CCSER1: variants seen among roughly 807,000 people sequenced by gnomAD.
CCSER1 encodes the protein serine-rich coiled-coil domain-containing protein 1.
CCSER1 carries 41 observed loss-of-function variants against 82.0 expected under a neutral mutation model. The observed-to-expected ratio is 0.50, with a 90% CI of 0.39 to 0.65. The LOEUF is 0.65. CCSER1 is among the 30% of genes least tolerant of loss of function. CCSER1 has a pLI of 0.00. For missense variants in CCSER1, 1,119 were observed against 1,064.2 expected (o/e 1.05, Z -0.72); for synonymous variants, 414 against 383.9 (o/e 1.08, Z -0.92).
intron 5 of CCSER1, among the ~76,000 whole-genome samples, chr4:90,522,895 A>G (rs1773309186): frequency 1.3e-5 from 2 of 152,114 alleles, no homozygotes; most frequent in South Asian, 2.1e-4. Flanking sequence ...ATTTTCTTCT[A>G]TTGACTTAAA....
At chr4:90,795,514 A>C (rs75898162) in intron 7 of CCSER1, among the ~76,000 whole-genome samples, 1 of 152,182 alleles carries the variant, frequency 6.6e-6, no homozygotes, top group Admixed American at 6.5e-5. Context: ...TATCCTGGCC[A>C]GGACTTTCAA....
intron 8 of CCSER1, among the ~76,000 whole-genome samples, chr4:90,912,490 G>A (rs541881277): frequency 2.6e-5 from 4 of 152,198 alleles, no homozygotes; most frequent in African/African-American, 4.8e-5. Context: ...CCATCTATAC[G>A]TCACCATCAT....
At chr4:90,697,726 A>C (rs748596253) in intron 6 of CCSER1, among the ~76,000 whole-genome samples, 3 of 152,118 alleles carry the variant, frequency 2.0e-5, no homozygotes, top group Non-Finnish European at 4.4e-5. Flanking sequence ...CTTTTTAATA[A>C]AAGGCGTATG....
intron 8 of CCSER1, among the ~76,000 whole-genome samples, chr4:90,914,376 A>G (rs1726945294): frequency 6.6e-6 from 1 of 152,172 alleles, no homozygotes; most frequent in Non-Finnish European, 1.5e-5. Context: ...AAACTGAACA[A>G]CCTGCTCCTG....
intron 6 of CCSER1, among the ~76,000 whole-genome samples, chr4:90,646,917 C>G (rs888321889): frequency 6.6e-6 from 1 of 152,174 alleles, no homozygotes; most frequent in South Asian, 2.1e-4. Context: ...TTACACAGAA[C>G]GCAAAATTGC....
At chr4:90,933,698 T>C (rs868572397) in intron 9 of CCSER1, among the ~76,000 whole-genome samples, 1 of 151,952 alleles carries the variant, frequency 6.6e-6, no homozygotes, top group East Asian at 1.9e-4. Flanking sequence ...AGTTTTTTTT[T>C]TTCTCCACTT....
chr4:90,772,007 C>G (rs1213914123), intron 7 of CCSER1, among the ~76,000 whole-genome samples: 3 of 152,066 alleles, frequency 2.0e-5, no homozygotes, highest in Non-Finnish European at 4.4e-5. Context: ...AGAAATTATG[C>G]AATTCTCCTC....
chr4:91,029,137 CTG>C (rs1396340563), intron 9 of CCSER1, among the ~76,000 whole-genome samples: 9 of 151,960 alleles, frequency 5.9e-5, no homozygotes, highest in Non-Finnish European at 8.8e-5. Context: ...AATGAAATGA[CTG>C]TGAATCTGCT....
chr4:90,258,151 G>A (rs1455509524), intron 1 of CCSER1, among the ~76,000 whole-genome samples: 1 of 152,064 alleles, frequency 6.6e-6, no homozygotes, highest in Non-Finnish European at 1.5e-5. Context: ...GTTTTTATAG[G>A]CTGATGACTC....
intron 10 of CCSER1, among the ~76,000 whole-genome samples, chr4:91,370,311 G>A (rs1456213924): frequency 6.6e-6 from 1 of 152,010 alleles, no homozygotes. Context: ...ATGCTTTACT[G>A]GATTAATATT....
chr4:91,364,332 A>G (rs936993810), intron 10 of CCSER1, among the ~76,000 whole-genome samples: 3 of 152,120 alleles, frequency 2.0e-5, no homozygotes, highest in Non-Finnish European at 2.9e-5. Context: ...ATGATGGGAA[A>G]TACACACTAG....
At chr4:90,495,096 C>A (rs895473466) in intron 5 of CCSER1, among the ~76,000 whole-genome samples, 11 of 152,132 alleles carry the variant, frequency 7.2e-5, no homozygotes, top group African/African-American at 2.7e-4. Flanking sequence ...TGACTTGAAT[C>A]TTCTCTATTT....
intron 10 of CCSER1, among the ~76,000 whole-genome samples, chr4:91,598,236 C>A (rs557213757): frequency 5.9e-5 from 9 of 152,260 alleles, no homozygotes; most frequent in African/African-American, 2.2e-4. Context: ...TTAAAATAAT[C>A]TGTATTTTCA....
intron 10 of CCSER1, among the ~76,000 whole-genome samples, chr4:91,557,514 ATATT>A (rs1010127348): frequency 3.3e-5 from 5 of 151,520 alleles, no homozygotes; most frequent in African/African-American, 9.7e-5. Flanking sequence ...TAAATAAACA[ATATT>A]TATTAATGTA....
At chr4:90,835,144 A>C (rs1341327218) in intron 8 of CCSER1, among the ~76,000 whole-genome samples, 3 of 152,024 alleles carry the variant, frequency 2.0e-5, no homozygotes, top group African/African-American at 7.3e-5. Flanking sequence ...ACCCTGGCTA[A>C]CACGGTGAAA....
intron 5 of CCSER1, among the ~76,000 whole-genome samples, chr4:90,482,108 G>T (rs960250203): frequency 2.0e-5 from 3 of 152,056 alleles, no homozygotes; most frequent in Admixed American, 6.6e-5. Context: ...GGGAGAGTGT[G>T]TGTGTTGAGC....
chr4:90,838,897 G>A (rs11544914), intron 8 of CCSER1: 15 of 1,613,038 alleles, frequency 9.3e-6, no homozygotes, highest in South Asian at 3.3e-5. Context: ...GGCGGCGCAC[G>A]CCTCATTACG....
chr4:91,144,759 A>G (rs1223757631), intron 10 of CCSER1, among the ~76,000 whole-genome samples: 1 of 151,656 alleles, frequency 6.6e-6, no homozygotes, highest in Non-Finnish European at 1.5e-5. Context: ...TTTCTGTGTA[A>G]TTGCATGGTT....
chr4:90,953,910 GA>G (rs5860211), intron 9 of CCSER1, among the ~76,000 whole-genome samples: 123,831 of 151,714 alleles, frequency 0.82, 50,943 homozygotes, highest in Non-Finnish European at 0.87. Flanking sequence ...AGCAATAAGA[GA>G]AAAATTACAA....
Sources: gnomAD v4.1 joint callset for allele counts (sites outside exome capture counted in the v4.1 genomes callset) on GRCh38, gnomAD v4.1.1 for gene constraint, MANE v1.5 for transcripts, NCBI Gene and HGNC (gene_info 2026-07-23, HGNC 2026-07-21) for gene names.